The following GIGYF1 variants were observed in gnomAD, a reference collection of about 807,000 sequenced individuals.
GIGYF1 encodes the protein GRB10-interacting GYF protein 1.
In GIGYF1, 84 loss-of-function variants were observed where a neutral mutation model predicts 147.1. The ratio of observed to expected loss-of-function variants is 0.57; its 90% CI spans 0.48 to 0.68. The LOEUF (loss-of-function observed/expected upper bound fraction) is 0.68. Ranked by LOEUF, GIGYF1 falls within the 30% of genes least tolerant of loss-of-function variation. The probability of loss-of-function intolerance (pLI) is 0.00; values close to 1 mark genes in which losing one functional copy is unlikely to be tolerated. For missense variants in GIGYF1, 1,485 were observed against 1,393.7 expected (o/e 1.07, Z -1.04); for synonymous variants, 752 against 589.5 (o/e 1.28, Z -3.99).
At chr7:100,691,508 T>TTTTTTTG (rs1209228925) in intron 1 of GIGYF1, among the ~76,000 whole-genome samples, 3 of 151,504 alleles carry the variant, frequency 2.0e-5, no homozygotes, top group African/African-American at 7.3e-5. Flanking sequence ...AAGAATAGAT[T>TTTTTTTG]TTTTTTTTTT....
In GIGYF1 at chr7:100,686,132, A is replaced by G. The variant is rs1209769694; in HGVS notation, c.948+48T>C. On this transcript the variant is annotated intron_variant, in intron 11 of 26. Transcript: ENST00000678049. Reference sequence around the variant, plus strand: ...GAACAGCTGGGGTGGGTGGGGAGGAAGAGGACCCCGGAAGGGCAGGTTCCC... The same window carrying G: ...GAACAGCTGGGGTGGGTGGGGAGGAGGAGGACCCCGGAAGGGCAGGTTCCC... 8 of 1,601,754 alleles carry G rather than the reference A, an allele frequency of 5.0e-6. No individual in the cohort carries two copies. The East Asian group carries it at 9.0e-5, about 18-fold the overall frequency.
At chr7:100,686,539 T>C (rs1483582249) in intron 10 of GIGYF1, 106 bp from the exon 11 acceptor site, 4 of 1,518,756 alleles carry the variant, frequency 2.6e-6, no homozygotes, top group Non-Finnish European at 3.5e-6. Flanking sequence ...TCCCGGCCAC[T>C]CCCACACCAG....
chr7:100,687,937 A>C, intron 5 of GIGYF1, 44 bp downstream of exon 5: 1 of 1,610,964 alleles, frequency 6.2e-7, no homozygotes, highest in South Asian at 1.1e-5. Context: ...TCCCCTCCAC[A>C]GGCAGAGGCC....
At chr7:100,688,132 G>A (rs374318025) in intron 4 of GIGYF1, 22 bp from the exon 5 acceptor site, 51 of 1,605,334 alleles carry the variant, frequency 3.2e-5, no homozygotes, top group Non-Finnish European at 4.1e-5. Flanking sequence ...ACAGAGAGAA[G>A]AAGACAGAGG....
Position 100,681,497 on chromosome 7 carries a change from T to G in GIGYF1, c.*222A>C. 1 of 279,016 alleles carries G rather than the reference T, an allele frequency of 3.6e-6. No homozygotes were observed. The allele number at this position is 279,016 out of a possible 1,614,324, so 17.3% of individuals were successfully genotyped here. A position where few individuals can be genotyped will look rare whatever the true frequency, so the allele number is the denominator to read the frequency against. On this transcript the variant is annotated 3_prime_UTR_variant, in exon 27 of 27. Transcript: ENST00000678049. ...CTCTCCTAATGTTTTCTTCAGTCGT[T>G]TAAAATTAAAAAAAAAAATAAAAAG...
In GIGYF1 at chr7:100,688,301, C is replaced by T; in HGVS notation, c.-63G>A. 1 of 1,214,420 alleles carries T rather than the reference C, an allele frequency of 8.2e-7. No individual in the cohort carries two copies. Among genetic ancestry groups the T allele is most frequent in the Non-Finnish European group, 1.2e-6 (1 of 826,360 alleles). The allele number at this position is 1,214,420 out of a possible 1,614,324, so 75.2% of individuals were successfully genotyped here. A position where few individuals can be genotyped will look rare whatever the true frequency, so the allele number is the denominator to read the frequency against. On this transcript the variant is annotated 5_prime_UTR_variant, in exon 4 of 27. Transcript: ENST00000678049. ...AGGAGGGGACCTGGCGTTCACTGTCCAAACACCTGTGGGGGAACAGGGGCC... is the reference window on the plus strand; with the variant it reads ...AGGAGGGGACCTGGCGTTCACTGTCTAAACACCTGTGGGGGAACAGGGGCC...
At chr7:100,685,220 A>G (rs1209376669) in intron 13 of GIGYF1, 74 bp from the exon 14 acceptor site, 2 of 1,520,944 alleles carry the variant, frequency 1.3e-6, no homozygotes, top group East Asian at 2.3e-5. Flanking sequence ...CTCTCACTCC[A>G]GAACACCACG....
chr7:100,682,475 A>G lies in GIGYF1; in HGVS notation c.2608T>C (p.Tyr870His), dbSNP rs1181308107. 5.6e-6 allele frequency: 9 copies of G among 1,612,040 alleles called. No homozygotes were observed. Among genetic ancestry groups the G allele is most frequent in the Non-Finnish European group, 7.6e-6 (9 of 1,179,942 alleles). Residue 870 changes from tyrosine (Y) to histidine (H), a missense_variant, in exon 24 of 27, where the codon TAC becomes CAC. Tyr to His is a moderately conservative substitution (Grantham distance 83). Transcript: ENST00000678049. ...ATGGGCCGACCCGATAGGTGGCTGT[A>G]TGAGTCACTGAAGGGGGAGGGTGAG... The part of the protein sequence containing the change: ...SRSSPSLSDS[Y>H]SHLSGRPIRK...
Position 100,687,152 on chromosome 7 carries a change from A to T in GIGYF1, c.483-106T>A, listed in dbSNP as rs899426655. 86 of 1,529,600 alleles carry T rather than the reference A, an allele frequency of 5.6e-5. 2 individuals carry two copies. The highest frequency in any genetic ancestry group is 1.1e-4 in the African/African-American group (8 of 73,260). 94.8% of individuals were successfully genotyped at this position (1,529,600 alleles called of 1,614,324 possible). A position where few individuals can be genotyped will look rare whatever the true frequency, so the allele number is the denominator to read the frequency against. ...TGTGCCCTGAGGCAGTGGAGGGAGG[A>T]AGGGGACAAACGAAACCAGGGGTCA... On this transcript the variant is annotated intron_variant, in intron 8 of 26. Coordinates refer to ENST00000678049, the MANE Select transcript of GIGYF1 (RefSeq NM_001375765.1).
chr7:100,687,559 C>A lies in GIGYF1; in HGVS notation c.319G>T (p.Ala107Ser), dbSNP rs1471719991. The A allele has an allele frequency of 1.9e-6, 3 of 1,612,736 alleles. No homozygotes were observed. The highest frequency in any genetic ancestry group is 2.2e-5 in the South Asian group (2 of 91,064). ...GAGGTGCCAGCCAGGGGGGGGCCAG[C>A]CCCTTTCCCCATCAGCCTCAGCACA... ...VAVLRLMGKG[A>S]GPPLAGTSRG... Residue 107 changes from alanine to serine, a missense_variant, in exon 7 of 27, where the codon GCT becomes TCT. Ala to Ser is a moderately conservative substitution (Grantham distance 99). Coordinates refer to ENST00000678049, the MANE Select transcript of GIGYF1 (RefSeq NM_001375765.1).
intron 22 of GIGYF1, 92 bp downstream of exon 22, chr7:100,682,920 G>A (rs1804926069): frequency 7.8e-7 from 1 of 1,283,390 alleles, no homozygotes; most frequent in Non-Finnish European, 1.0e-6. Flanking sequence ...TGGGACTGGG[G>A]CTGGGGCTGC....
At position 100,686,237 on chromosome 7, in the gene GIGYF1, G is replaced by A. The variant is rs779334243; in HGVS notation, c.891C>T (p.Asp297=). ...AGGTGCCCATTTCTTCATCCTCATC[G>A]TCCAGGCACCACTCTGGGAGCCCAT... ...DKDGLPEWCL[D]DEDEEMGTFD... The change falls in exon 11 of 27, where the codon GAC becomes GAT. Residue 297 remains aspartate (D), a synonymous_variant. Coordinates refer to ENST00000678049, the MANE Select transcript of GIGYF1 (RefSeq NM_001375765.1). 48 of 1,613,810 alleles carry A rather than the reference G, an allele frequency of 3.0e-5. No homozygotes were observed. Among genetic ancestry groups the A allele is most frequent in the African/African-American group, 8.0e-5 (6 of 74,872 alleles).
At position 100,681,562 on chromosome 7, in the gene GIGYF1, G is replaced by C. The variant is rs1159440805; in HGVS notation, c.*157C>G. 2.0e-6 allele frequency: 1 copy of C among 489,508 alleles called. No homozygotes were observed. Among genetic ancestry groups the C allele is most frequent in the Admixed American group, 3.8e-5 (1 of 26,332 alleles). The allele number at this position is 489,508 out of a possible 1,614,324, so 30.3% of individuals were successfully genotyped here. On this transcript the variant is annotated 3_prime_UTR_variant, in exon 27 of 27. Transcript: ENST00000678049. ...CCAGTCTGTAAAGTGCCTCGTGGTG[G>C]GTGAGTTAAGGTGCATCGTGTGTTT...
chr7:100,685,928 G>C (rs780952355), intron 12 of GIGYF1, 46 bp downstream of exon 12: 2 of 1,522,908 alleles, frequency 1.3e-6, no homozygotes, highest in Non-Finnish European at 9.1e-7. Context: ...GAACACCAGT[G>C]CCTGCCCGGC....
chr7:100,687,703 C>T (rs1311820610), intron 6 of GIGYF1, 85 bp downstream of exon 6: 1 of 1,510,636 alleles, frequency 6.6e-7, no homozygotes, highest in Non-Finnish European at 9.1e-7. Flanking sequence ...CGCCTGTCTC[C>T]TCAGCGCTGG....
chr7:100,684,973 C>T, intron 14 of GIGYF1, 76 bp downstream of exon 14: 2 of 1,551,062 alleles, frequency 1.3e-6, no homozygotes, highest in African/African-American at 1.8e-5. Flanking sequence ...GGAGCTTGAG[C>T]TGGGGCCGGG....
chr7:100,687,099 C>T (rs1562881590), intron 8 of GIGYF1, 53 bp from the exon 9 acceptor site: 3 of 1,609,390 alleles, frequency 1.9e-6, no homozygotes, highest in Non-Finnish European at 2.6e-6. Flanking sequence ...CCCTGCCACC[C>T]TGTGCAACCG....
At chr7:100,684,383 G>C in intron 16 of GIGYF1, 46 bp from the exon 17 acceptor site, 2 of 1,599,258 alleles carry the variant, frequency 1.3e-6, no homozygotes, top group Non-Finnish European at 1.7e-6. Context: ...GGGAGGAGGG[G>C]ACTCTGCTGG....
chr7:100,684,474 T>C lies in GIGYF1; in HGVS notation c.1605A>G (p.Pro535=). The change falls in exon 16 of 27, where the codon CCA becomes CCG. Residue 535 remains proline (P), a synonymous_variant. Coordinates refer to ENST00000678049, the MANE Select transcript of GIGYF1 (RefSeq NM_001375765.1). ...IKMWGRVPFA[P]GPSPPPLLGN... ...CCAGCAGTGGGGGAGGTGAGGGCCC[T>C]GGGGCAAAGGGCACGCGGCCCCACA... The C allele has an allele frequency of 6.2e-7, 1 of 1,613,206 alleles. No homozygotes were observed. The highest frequency in any genetic ancestry group is 1.3e-5 in the African/African-American group (1 of 75,046).
Sources: gnomAD v4.1 joint callset for allele counts (sites outside exome capture counted in the v4.1 genomes callset) on GRCh38, gnomAD v4.1.1 for gene constraint, MANE v1.5 for transcripts, NCBI Gene and HGNC (gene_info 2026-07-23, HGNC 2026-07-21) for gene names.